ZFAND3: variants seen among roughly 807,000 people sequenced by gnomAD.
The protein encoded by ZFAND3 is AN1-type zinc finger protein 3.
Under a neutral mutation model 29.6 loss-of-function variants are expected in ZFAND3, and 10 were observed. That is an observed-to-expected ratio of 0.34 (90% confidence interval 0.21 to 0.57). The LOEUF (loss-of-function observed/expected upper bound fraction) is 0.57, where lower values mean the gene tolerates loss of function less well. ZFAND3 is among the 20% of genes least tolerant of loss of function. The probability of loss-of-function intolerance (pLI) is 0.86; values close to 1 mark genes in which losing one functional copy is unlikely to be tolerated. For synonymous variants in ZFAND3, 128 were observed against 112.6 expected (o/e 1.14, Z -0.87); for missense variants, 230 against 304.5 (o/e 0.76, Z 1.82).
chr6:38,103,058 G>A (rs576275299), intron 4 of ZFAND3, among the ~76,000 whole-genome samples: 1 of 152,116 alleles, frequency 6.6e-6, no homozygotes, highest in African/African-American at 2.4e-5. Context: ...CGCCTGGCTG[G>A]AAGTTTAACT....
In ZFAND3 at chr6:38,152,823, C is replaced by T. The variant is rs1003379889; in HGVS notation, c.*434C>T. ...CTCTGTTTAATGATCGGCCTTTCACCTCTTCACTTATCCTTAGTCCCAGTA... is the reference window on the plus strand; with the variant it reads ...CTCTGTTTAATGATCGGCCTTTCACTTCTTCACTTATCCTTAGTCCCAGTA... On this transcript the variant is annotated 3_prime_UTR_variant, in exon 6 of 6. Coordinates refer to ENST00000287218, the MANE Select transcript of ZFAND3 (RefSeq NM_021943.3). 1.0e-6 allele frequency: 1 copy of T among 986,748 alleles called. No homozygotes were observed. Among genetic ancestry groups the T allele is most frequent in the Admixed American group, 6.1e-5 (1 of 16,344 alleles). The allele number at this position is 986,748 out of a possible 1,614,324, so 61.1% of individuals were successfully genotyped here. A position where few individuals can be genotyped will look rare whatever the true frequency, so the allele number is the denominator to read the frequency against.
intron 1 of ZFAND3, among the ~76,000 whole-genome samples, chr6:37,896,418 G>A (rs746820770): frequency 7.3e-5 from 11 of 151,706 alleles, no homozygotes; most frequent in Non-Finnish European, 1.6e-4. Flanking sequence ...TTGTACCATG[G>A]TATTTTATTG....
chr6:37,886,223 G>A (rs1764986644), intron 1 of ZFAND3, among the ~76,000 whole-genome samples: 1 of 106,996 alleles, frequency 9.3e-6, no homozygotes, highest in Non-Finnish European at 1.7e-5. Flanking sequence ...AGGCTACAGA[G>A]CGAGACTCTG....
At chr6:37,871,416 A>G (rs947087041) in intron 1 of ZFAND3, among the ~76,000 whole-genome samples, 2 of 152,214 alleles carry the variant, frequency 1.3e-5, no homozygotes, top group Non-Finnish European at 2.9e-5. Context: ...ATTCTTGTCT[A>G]CAAAGAAAGA....
intron 2 of ZFAND3, among the ~76,000 whole-genome samples, chr6:37,981,900 T>C (rs1353464090): frequency 6.6e-6 from 1 of 152,120 alleles, no homozygotes; most frequent in Non-Finnish European, 1.5e-5. Flanking sequence ...GATACATCAG[T>C]CAGTACATGT....
chr6:37,959,070 G>A (rs1308019575), intron 2 of ZFAND3, among the ~76,000 whole-genome samples: 2 of 152,190 alleles, frequency 1.3e-5, no homozygotes, highest in Admixed American at 6.5e-5. Flanking sequence ...AGTCCTTGGG[G>A]TATAGAAGTG....
intron 2 of ZFAND3, among the ~76,000 whole-genome samples, chr6:37,933,300 T>C (rs565252404): frequency 1.3e-5 from 2 of 152,364 alleles, no homozygotes; most frequent in African/African-American, 4.8e-5. Context: ...TTATAACTTG[T>C]TTACATAAAA....
chr6:38,054,230 A>G (rs1764088769), intron 2 of ZFAND3, among the ~76,000 whole-genome samples: 1 of 151,162 alleles, frequency 6.6e-6, no homozygotes. Flanking sequence ...AAAAAAAAAA[A>G]AAAAAAAATT....
rs560034833 is a variant in ZFAND3, at chr6:38,125,050, GA to G, written c.529+8318del. The stretch of plus-strand genomic sequence containing the variant: ...AGTGTCCCATCCATCCCCCCAAAAG[GA>G]AAAAAAGTTCCACAACCTTTTGATG... On this transcript the variant is annotated intron_variant, in intron 5 of 5. Coordinates refer to ENST00000287218, the MANE Select transcript of ZFAND3 (RefSeq NM_021943.3). Among the ~76,000 whole-genome samples, 229 of 152,090 alleles carry G rather than the reference GA, an allele frequency of 1.5e-3. 1 individual carries two copies. The highest frequency in any genetic ancestry group is 5.2e-3 in the African/African-American group (215 of 41,552).
At chr6:37,949,335 T>TG (rs1356216988) in intron 2 of ZFAND3, among the ~76,000 whole-genome samples, 1 of 152,190 alleles carries the variant, frequency 6.6e-6, no homozygotes, top group Non-Finnish European at 1.5e-5. Flanking sequence ...TCTTATTGTG[T>TG]GGGGAAAACT....
chr6:37,898,513 A>G (rs190493398), intron 1 of ZFAND3, among the ~76,000 whole-genome samples: 2 of 152,344 alleles, frequency 1.3e-5, no homozygotes, highest in Admixed American at 1.3e-4. Flanking sequence ...TATAAATTTT[A>G]GAGTCAGACT....
chr6:38,090,195 T>G (rs1490344723), intron 4 of ZFAND3, among the ~76,000 whole-genome samples: 1 of 152,218 alleles, frequency 6.6e-6, no homozygotes, highest in African/African-American at 2.4e-5. Flanking sequence ...TAATTCACTT[T>G]TCAAATCTTT....
intron 4 of ZFAND3, among the ~76,000 whole-genome samples, chr6:38,101,365 C>T (rs1392465027): frequency 6.6e-6 from 1 of 152,158 alleles, no homozygotes; most frequent in Non-Finnish European, 1.5e-5. Context: ...ACCTAATATA[C>T]TCATTCAGGG....
At chr6:37,941,983 C>T (rs1761818788) in intron 2 of ZFAND3, among the ~76,000 whole-genome samples, 1 of 152,134 alleles carries the variant, frequency 6.6e-6, no homozygotes, top group Non-Finnish European at 1.5e-5. Flanking sequence ...TTCCATATTA[C>T]AATCTAATTC....
At chr6:37,980,569 G>GC (rs1340255390) in intron 2 of ZFAND3, among the ~76,000 whole-genome samples, 1 of 152,150 alleles carries the variant, frequency 6.6e-6, no homozygotes, top group Non-Finnish European at 1.5e-5. Context: ...ACTGCAAACT[G>GC]CAATGGGTGA....
At chr6:37,996,508 A>G (rs988820782) in intron 2 of ZFAND3, among the ~76,000 whole-genome samples, 1 of 152,146 alleles carries the variant, frequency 6.6e-6, no homozygotes, top group Non-Finnish European at 1.5e-5. Flanking sequence ...CTTTTATCCA[A>G]CATTTCCTGA....
At chr6:37,936,405 G>T (rs982293448) in intron 2 of ZFAND3, among the ~76,000 whole-genome samples, 1 of 152,178 alleles carries the variant, frequency 6.6e-6, no homozygotes, top group Non-Finnish European at 1.5e-5. Flanking sequence ...GAAATGGAAG[G>T]TTGTTGGAGT....
Position 38,053,545 on chromosome 6 carries a change from G to A in ZFAND3, c.113-8048G>A, listed in dbSNP as rs182228072. The stretch of plus-strand genomic sequence containing the variant: ...CTAAAAATACAAAAATTAGCCACAC[G>A]TGGTGTTGCACACTGGTAGTTGCAG... On this transcript the variant is annotated intron_variant, in intron 2 of 5. Coordinates refer to ENST00000287218, the MANE Select transcript of ZFAND3 (RefSeq NM_021943.3). Among the ~76,000 whole-genome samples, 15 of 152,160 alleles carry A rather than the reference G, an allele frequency of 9.9e-5. 1 individual carries two copies. Among genetic ancestry groups the A allele is most frequent in the African/African-American group, 2.7e-4 (11 of 41,494 alleles).
intron 1 of ZFAND3, among the ~76,000 whole-genome samples, chr6:37,870,189 G>A (rs1307647610): frequency 1.3e-5 from 2 of 148,458 alleles, no homozygotes; most frequent in Non-Finnish European, 3.0e-5. Flanking sequence ...CACGCCTGTA[G>A]TCCCAGCTGT....
Sources: gnomAD v4.1 joint callset for allele counts (sites outside exome capture counted in the v4.1 genomes callset) on GRCh38, gnomAD v4.1.1 for gene constraint, MANE v1.5 for transcripts, NCBI Gene and HGNC (gene_info 2026-07-23, HGNC 2026-07-21) for gene names.